Variants in MAP3K4 observed in about 807,000 individuals in gnomAD.
The protein encoded by MAP3K4 is MAP three kinase 1.
In MAP3K4, 67 loss-of-function variants were observed where a neutral mutation model predicts 185.6. That is an observed-to-expected ratio of 0.36 (90% CI 0.30 to 0.44). The LOEUF is 0.44. Among genes scored for constraint, MAP3K4 ranks in the 20% least tolerant of loss-of-function variants. MAP3K4 has a pLI of 1.00. For synonymous variants in MAP3K4, 702 were observed against 710.4 expected (o/e 0.99, Z 0.19); for missense variants, 1,551 against 1,995.1 (o/e 0.78, Z 4.24).
rs369354871 is a variant in MAP3K4 at position 161,109,811 on chromosome 6, A to G, written c.4293A>G (p.Ser1431=). Residue 1431 remains serine (S), a synonymous_variant, in exon 23 of 27, where the codon TCA becomes TCG. Coordinates refer to ENST00000392142, the MANE Select transcript of MAP3K4 (RefSeq NM_005922.4). The surrounding 1 kb of genome is among the most constrained non-coding windows in gnomAD (Gnocchi z 5.7). ...ATGAGGGGACTTTAGAAGAGGTGTC[A>G]AGGCTGGGACTTCAGGAACATGTGA... ...YCDEGTLEEV[S]RLGLQEHVIR... 3 of 1,614,076 alleles carry G rather than the reference A, an allele frequency of 1.9e-6. No individual in the cohort carries two copies. Among genetic ancestry groups the G allele is most frequent in the African/African-American group, 1.3e-5 (1 of 74,922 alleles).
Position 161,056,488 on chromosome 6 carries a change from G to C in MAP3K4, c.1707+6509G>C, listed in dbSNP as rs146278002. Among the ~76,000 whole-genome samples, 57 of 152,252 alleles carry C rather than the reference G, an allele frequency of 3.7e-4. No homozygotes were observed. In the South Asian group the frequency reaches 5.6e-3, roughly 15 times the overall value. On this transcript the variant is annotated intron_variant, in intron 3 of 26. Coordinates refer to ENST00000392142, the MANE Select transcript of MAP3K4 (RefSeq NM_005922.4). This position sits in a 1 kb window ranked among gnomAD's most constrained non-coding sequence, Gnocchi z 5.4. Reference sequence around the variant, plus strand: ...TACTGATGTCTTTCGCTCTGATTCAGCACAAGGTTCATTCCGACTTTCCTC... The same window carrying C: ...TACTGATGTCTTTCGCTCTGATTCACCACAAGGTTCATTCCGACTTTCCTC...
At position 161,048,321 on chromosome 6, in the gene MAP3K4, AT is replaced by A. The variant is rs1295511866; in HGVS notation, c.344-292del. The stretch of plus-strand genomic sequence containing the variant: ...TTACTTACGGAAATTTGGTTAAATG[AT>A]TTGATAACTATGCTTTGTAGCATAG... On this transcript the variant is annotated intron_variant, in intron 2 of 26. Coordinates refer to ENST00000392142, the MANE Select transcript of MAP3K4 (RefSeq NM_005922.4). The surrounding 1 kb of genome is among the most constrained non-coding windows in gnomAD (Gnocchi z 4.7). 1 of 596,646 alleles carries A rather than the reference AT, an allele frequency of 1.7e-6. No individual in the cohort carries two copies. The highest frequency in any genetic ancestry group is 3.3e-6 in the Non-Finnish European group (1 of 303,342). The allele number at this position is 596,646 out of a possible 1,614,324, so 37.0% of individuals were successfully genotyped here.
Position 161,051,734 on chromosome 6 carries a change from C to T in MAP3K4, c.1707+1755C>T, listed in dbSNP as rs965006360. ...CTCATATAAAATGGTGTAGTATTTACATACAACCTATGTGCATCCTCCTGT... is the reference window on the plus strand; with the variant it reads ...CTCATATAAAATGGTGTAGTATTTATATACAACCTATGTGCATCCTCCTGT... On this transcript the variant is annotated intron_variant, in intron 3 of 26. Coordinates refer to ENST00000392142, the MANE Select transcript of MAP3K4 (RefSeq NM_005922.4). This position sits in a 1 kb window ranked among gnomAD's most constrained non-coding sequence, Gnocchi z 4.2. Among the ~76,000 whole-genome samples the T allele has an allele frequency of 6.6e-6, 1 of 152,210 alleles. No homozygotes were observed. The highest frequency in any genetic ancestry group is 1.5e-5 in the Non-Finnish European group (1 of 68,030).
intron 2 of MAP3K4, among the ~76,000 whole-genome samples, chr6:161,039,148 G>A (rs897003160): frequency 1.3e-5 from 2 of 152,070 alleles, no homozygotes; most frequent in East Asian, 1.9e-4. Context: ...TCAAGGCAGC[G>A]GTACCAGGTC....
At chr6:161,094,742 A>T (rs2114876037) in intron 15 of MAP3K4, among the ~76,000 whole-genome samples, 1 of 152,220 alleles carries the variant, frequency 6.6e-6, no homozygotes, top group Admixed American at 6.5e-5. Flanking sequence ...TTTTCTCCCA[A>T]GGTTGTCGTG....
Position 161,051,549 on chromosome 6 carries a change from A to T in MAP3K4, c.1707+1570A>T, listed in dbSNP as rs1562507517. 6.6e-6 allele frequency among the ~76,000 whole-genome samples: 1 copy of T among 152,218 alleles called. No individual in the cohort carries two copies. Among genetic ancestry groups the T allele is most frequent in the Non-Finnish European group, 1.5e-5 (1 of 68,044 alleles). On this transcript the variant is annotated intron_variant, in intron 3 of 26. Coordinates refer to ENST00000392142, the MANE Select transcript of MAP3K4 (RefSeq NM_005922.4). The surrounding 1 kb of genome is among the most constrained non-coding windows in gnomAD (Gnocchi z 4.2). The stretch of plus-strand genomic sequence containing the variant: ...AATTTCATTAAGGACATATGTTGGT[A>T]AGACAGGATTGATGTTTAATTTGTA...
At chr6:161,094,217 G>T (rs1777470411) in intron 15 of MAP3K4, among the ~76,000 whole-genome samples, 1 of 152,210 alleles carries the variant, frequency 6.6e-6, no homozygotes. Context: ...GCTGCAGGTG[G>T]CTGCAGATCA....
Position 161,115,217 on chromosome 6 carries a change from G to A in MAP3K4, c.4721G>A (p.Gly1574Glu). Reference sequence around the variant, plus strand: ...ATCCCTGAAAGATTAAGCCCTGAAGGAAAGGACTTCCTTTCTCACTGCCTT... The same window carrying A: ...ATCCCTGAAAGATTAAGCCCTGAAGAAAAGGACTTCCTTTCTCACTGCCTT... ...PPIPERLSPEGKDFLSHCLES... is the reference protein window; with the variant it reads ...PPIPERLSPEEKDFLSHCLES... The change falls in exon 26 of 27, where the codon GGA (glycine) becomes GAA (glutamate). Residue 1574 changes from glycine (G) to glutamate (E), a missense_variant. Transcript: ENST00000392142. The surrounding 1 kb of genome is among the most constrained non-coding windows in gnomAD (Gnocchi z 6.0). 1 of 1,614,154 alleles carries A rather than the reference G, an allele frequency of 6.2e-7. No individual in the cohort carries two copies. The highest frequency in any genetic ancestry group is 8.5e-7 in the Non-Finnish European group (1 of 1,180,000).
chr6:161,016,834 T>C (rs1782139126), intron 1 of MAP3K4, among the ~76,000 whole-genome samples: 1 of 152,262 alleles, frequency 6.6e-6, no homozygotes, highest in South Asian at 2.1e-4. Flanking sequence ...CTTGTATTCT[T>C]GCACTTGGAA....
In MAP3K4 at chr6:161,106,430, T is replaced by C. The variant is rs1778075525; in HGVS notation, c.3857-84T>C. The C allele has an allele frequency of 1.1e-6, 1 of 902,134 alleles. No homozygotes were observed. The highest frequency in any genetic ancestry group is 1.7e-6 in the Non-Finnish European group (1 of 587,256). 55.9% of individuals were successfully genotyped at this position (902,134 alleles called of 1,614,324 possible). On this transcript the variant is annotated intron_variant, in intron 19 of 26. Coordinates refer to ENST00000392142, the MANE Select transcript of MAP3K4 (RefSeq NM_005922.4). The surrounding 1 kb of genome is among the most constrained non-coding windows in gnomAD (Gnocchi z 4.9). ...TGCTGTAATGGAGTGCTAATATATA[T>C]TGCTCTATTTTTATTGGTTTGTCTT...
At chr6:161,015,685 A>T (rs1048722625) in intron 1 of MAP3K4, among the ~76,000 whole-genome samples, 2 of 151,940 alleles carry the variant, frequency 1.3e-5, no homozygotes, top group Non-Finnish European at 2.9e-5. Context: ...AGGAAGCAAG[A>T]GGTGGTGCGG....
At chr6:161,050,697 A>C (rs1783963501) in intron 3 of MAP3K4, among the ~76,000 whole-genome samples, 1 of 152,200 alleles carries the variant, frequency 6.6e-6, no homozygotes, top group South Asian at 2.1e-4. Flanking sequence ...AAGGGTGGTA[A>C]TACTAGACAA....
chr6:161,048,269 G>T lies in MAP3K4; in HGVS notation c.344-347G>T, dbSNP rs1486556088. The T allele has an allele frequency of 1.8e-6, 1 of 549,178 alleles. No homozygotes were observed. The highest frequency in any genetic ancestry group is 3.7e-6 in the Non-Finnish European group (1 of 271,458). 34.0% of individuals were successfully genotyped at this position (549,178 alleles called of 1,614,324 possible). On this transcript the variant is annotated intron_variant, in intron 2 of 26. Transcript: ENST00000392142. This position sits in a 1 kb window ranked among gnomAD's most constrained non-coding sequence, Gnocchi z 4.7. ...AGGTGTCCGTCAGATCTCCCATGCT[G>T]TTTCTTCCTCCTTAAATTGAAGGTG...
chr6:161,073,592 G>A lies in MAP3K4; in HGVS notation c.2077G>A (p.Asp693Asn). The A allele has an allele frequency of 6.2e-7, 1 of 1,613,576 alleles. No homozygotes were observed. Among genetic ancestry groups the A allele is most frequent in the Non-Finnish European group, 8.5e-7 (1 of 1,179,802 alleles). The stretch of plus-strand genomic sequence containing the variant: ...CTGCAACATTGACGCTTTTGAAGAG[G>A]ATCTACATAAAATGCTTATGGTCAG... Reference protein sequence around the residue: ...PDCNIDAFEEDLHKMLMVYFD... With the variant: ...PDCNIDAFEENLHKMLMVYFD... Residue 693 changes from aspartate to asparagine, a missense_variant, in exon 5 of 27, where the codon GAT becomes AAT. Asp to Asn is a conservative substitution (Grantham distance 23). Around this residue, in one of 16 missense-constraint regions of MAP3K4, gnomAD observed 130 missense variants for 171.3 expected, o/e 0.76. Transcript: ENST00000392142. The surrounding 1 kb of genome is among the most constrained non-coding windows in gnomAD (Gnocchi z 4.2).
intron 1 of MAP3K4, among the ~76,000 whole-genome samples, chr6:161,030,584 T>C (rs1340384173): frequency 6.6e-6 from 1 of 152,000 alleles, no homozygotes; most frequent in Non-Finnish European, 1.5e-5. Context: ...TGGTTAATTT[T>C]TTGTATTTTT....
chr6:161,054,790 A>T lies in MAP3K4; in HGVS notation c.1707+4811A>T, dbSNP rs1260980229. On this transcript the variant is annotated intron_variant, in intron 3 of 26. Transcript: ENST00000392142. This position sits in a 1 kb window ranked among gnomAD's most constrained non-coding sequence, Gnocchi z 4.2. ...TAAGAGAGTCTCAGATTATCAAATG[A>T]AACTTATTTAAATCCATGTAACTGA... 6.6e-6 allele frequency among the ~76,000 whole-genome samples: 1 copy of T among 152,226 alleles called. No individual in the cohort carries two copies. Among genetic ancestry groups the T allele is most frequent in the Non-Finnish European group, 1.5e-5 (1 of 68,032 alleles).
At position 161,048,403 on chromosome 6, in the gene MAP3K4, A is replaced by C; in HGVS notation, c.344-213A>C. 1.6e-6 allele frequency: 1 copy of C among 617,352 alleles called. No individual in the cohort carries two copies. Among genetic ancestry groups the C allele is most frequent in the Non-Finnish European group, 2.9e-6 (1 of 345,164 alleles). The allele number at this position is 617,352 out of a possible 1,614,324, so 38.2% of individuals were successfully genotyped here. ...GTTGTGAATATAAGAGAATACAGCAAATACTGGAAAAATGGATAATTTTTT... is the reference window on the plus strand; with the variant it reads ...GTTGTGAATATAAGAGAATACAGCACATACTGGAAAAATGGATAATTTTTT... On this transcript the variant is annotated intron_variant, in intron 2 of 26. Transcript: ENST00000392142. The surrounding 1 kb of genome is among the most constrained non-coding windows in gnomAD (Gnocchi z 4.7).
At chr6:161,092,868 T>G in intron 13 of MAP3K4, 110 bp from the exon 14 acceptor site, 1 of 593,766 alleles carries the variant, frequency 1.7e-6, no homozygotes, top group Non-Finnish European at 3.0e-6. Context: ...AAAAAGTGTC[T>G]TGTCCTAAAT....
In MAP3K4 at chr6:161,071,309, G is replaced by A. The variant is rs1173714146; in HGVS notation, c.1950+459G>A. Among the ~76,000 whole-genome samples the A allele has an allele frequency of 6.6e-6, 1 of 152,140 alleles. No individual in the cohort carries two copies. Among genetic ancestry groups the A allele is most frequent in the African/African-American group, 2.4e-5 (1 of 41,418 alleles). ...GATTTCTTCGTTGTTGTTCATTCTG[G>A]GTGGGATCTTACGGATGTTTGATAT... is the stretch of plus-strand genomic sequence containing the variant. On this transcript the variant is annotated intron_variant, in intron 4 of 26. Coordinates refer to ENST00000392142, the MANE Select transcript of MAP3K4 (RefSeq NM_005922.4). This position sits in a 1 kb window ranked among gnomAD's most constrained non-coding sequence, Gnocchi z 4.6.
Sources: gnomAD v4.1 joint callset for allele counts (sites outside exome capture counted in the v4.1 genomes callset) on GRCh38, gnomAD v4.1.1 for gene constraint, gnomAD v4.1.1 regional missense constraint, Gnocchi (gnomAD v3.1) non-coding constraint, MANE v1.5 for transcripts, NCBI Gene and HGNC (gene_info 2026-07-23, HGNC 2026-07-21) for gene names.